Variants in FRY observed in about 807,000 individuals in gnomAD.
FRY encodes the protein protein furry homolog.
Under a neutral mutation model 348.4 loss-of-function variants are expected in FRY, and 128 were observed. That is an observed-to-expected ratio of 0.37 (90% CI 0.32 to 0.43). The LOEUF is 0.43. Among genes scored for constraint, FRY ranks in the 20% least tolerant of loss-of-function variants. FRY has a pLI of 1.00. For synonymous variants in FRY, 1,370 were observed against 1,374.7 expected (o/e 1.00, Z 0.08); for missense variants, 2,736 against 3,695.2 (o/e 0.74, Z 6.73).
At chr13:32,150,172 A>G (rs1218350763) in intron 14 of FRY, among the ~76,000 whole-genome samples, 1 of 152,238 alleles carries the variant, frequency 6.6e-6, no homozygotes, top group Non-Finnish European at 1.5e-5. Context: ...CAACAAATTT[A>G]GCATCGGGAA....
rs76093191 is a variant in FRY, at chr13:32,032,893, A to T, written c.70+1028A>T. Among the ~76,000 whole-genome samples, 503 of 152,314 alleles carry T rather than the reference A, an allele frequency of 3.3e-3. 3 individuals carry two copies. Among genetic ancestry groups the T allele is most frequent in the African/African-American group, 0.012 (480 of 41,566 alleles). ...CCTACCTGTGCTCAAAGAGCTAGTG[A>T]TTAATTGTCTCCTACACAAATGACC... On this transcript the variant is annotated intron_variant, in intron 1 of 60. Coordinates refer to ENST00000542859, the MANE Select transcript of FRY (RefSeq NM_023037.3).
chr13:32,194,703 T>G (rs573956352), intron 29 of FRY, among the ~76,000 whole-genome samples: 127 of 152,316 alleles, frequency 8.3e-4, no homozygotes, highest in African/African-American at 3.0e-3. Flanking sequence ...TAAACTCACT[T>G]TACCCAAAAC....
At chr13:32,216,518 A>G (rs993482232) in intron 35 of FRY, among the ~76,000 whole-genome samples, 1 of 152,206 alleles carries the variant, frequency 6.6e-6, no homozygotes, top group African/African-American at 2.4e-5. Context: ...CCTCCAGGGC[A>G]CAATTTAAAA....
At chr13:32,110,933 C>G (rs1377829557) in intron 3 of FRY, among the ~76,000 whole-genome samples, 1 of 152,162 alleles carries the variant, frequency 6.6e-6, no homozygotes, top group Admixed American at 6.5e-5. Flanking sequence ...AATTGTCCTA[C>G]TATGCTTTGG....
intron 4 of FRY, among the ~76,000 whole-genome samples, chr13:32,121,144 T>TAC (rs1341354877): frequency 5.3e-5 from 8 of 152,254 alleles, no homozygotes; most frequent in Non-Finnish European, 8.8e-5. Flanking sequence ...CATATATATA[T>TAC]ACCACAGTTT....
chr13:32,090,300 G>A (rs1274063884), intron 2 of FRY, among the ~76,000 whole-genome samples: 3 of 146,684 alleles, frequency 2.0e-5, no homozygotes, highest in East Asian at 2.0e-4. Context: ...GTGAGCCGAG[G>A]TGGCACCACT....
intron 58 of FRY, among the ~76,000 whole-genome samples, chr13:32,286,607 A>G (rs1889067445): frequency 6.6e-6 from 1 of 151,780 alleles, no homozygotes; most frequent in Non-Finnish European, 1.5e-5. Flanking sequence ...TTAGCTGGGC[A>G]TGGTGGCGGG....
At chr13:32,054,802 G>T (rs947464116) in intron 1 of FRY, among the ~76,000 whole-genome samples, 2 of 152,188 alleles carry the variant, frequency 1.3e-5, no homozygotes, top group Admixed American at 1.3e-4. Flanking sequence ...ATGAACCCGA[G>T]TGGCGGAGCT....
chr13:32,231,159 T>A lies in FRY; in HGVS notation c.5406-20T>A, dbSNP rs753304367. ...CAAAATGACAGTTATATTTTTGACATTTTGTGTGTTTTGTTTAAGGGCATT... is the reference window on the plus strand; with the variant it reads ...CAAAATGACAGTTATATTTTTGACAATTTGTGTGTTTTGTTTAAGGGCATT... On this transcript the variant is annotated intron_variant, in intron 40 of 60. Transcript: ENST00000542859. 3.7e-6 allele frequency: 6 copies of A among 1,611,390 alleles called. No homozygotes were observed. The East Asian group carries it at 1.1e-4, about 30-fold the overall frequency.
At chr13:32,272,845 C>T (rs991293560) in intron 55 of FRY, among the ~76,000 whole-genome samples, 7 of 152,014 alleles carry the variant, frequency 4.6e-5, no homozygotes, top group Non-Finnish European at 7.4e-5. Flanking sequence ...AAGCAATTCT[C>T]CTGCCTCAGC....
At chr13:32,141,372 T>C (rs1880061145) in intron 11 of FRY, among the ~76,000 whole-genome samples, 1 of 152,228 alleles carries the variant, frequency 6.6e-6, no homozygotes, top group Non-Finnish European at 1.5e-5. Context: ...AAAGTATTGC[T>C]GTGATATGCA....
chr13:32,069,880 G>C (rs1324431851), intron 1 of FRY, among the ~76,000 whole-genome samples: 9 of 97,832 alleles, frequency 9.2e-5, no homozygotes, highest in African/African-American at 2.3e-4. Flanking sequence ...CACCCCCCAA[G>C]AGGCCCCGGT....
intron 1 of FRY, among the ~76,000 whole-genome samples, chr13:32,049,320 C>T (rs1873194735): frequency 6.6e-6 from 1 of 152,126 alleles, no homozygotes; most frequent in South Asian, 2.1e-4. Context: ...TCCCAAGTTC[C>T]CTGAAGGAGT....
chr13:32,097,293 A>T (rs1566068880), intron 2 of FRY, among the ~76,000 whole-genome samples: 1 of 150,678 alleles, frequency 6.6e-6, no homozygotes, highest in Non-Finnish European at 1.5e-5. Flanking sequence ...TCCCATATAG[A>T]TGTATTCCCA....
intron 14 of FRY, among the ~76,000 whole-genome samples, chr13:32,154,101 A>G (rs1880961449): frequency 1.3e-5 from 2 of 152,180 alleles, no homozygotes; most frequent in South Asian, 4.1e-4. Flanking sequence ...ATGTCATCCC[A>G]CAGTTATTAT....
rs74046714 is a variant in FRY at position 32,104,368 on chromosome 13, T to G, written c.324+2352T>G. Among the ~76,000 whole-genome samples the G allele has an allele frequency of 8.9e-3, 1,354 of 152,306 alleles. 20 individuals carry two copies. Among genetic ancestry groups the G allele is most frequent in the African/African-American group, 0.031 (1,284 of 41,552 alleles). ...GCATCACCTGGGAGCTTGCTAGAAA[T>G]GCAGACTGTTAGCCTGGCCCCAGAA... On this transcript the variant is annotated intron_variant, in intron 3 of 60. Transcript: ENST00000542859.
intron 55 of FRY, among the ~76,000 whole-genome samples, chr13:32,270,977 C>T (rs1240564938): frequency 6.6e-6 from 1 of 152,158 alleles, no homozygotes; most frequent in Non-Finnish European, 1.5e-5. Context: ...GGTTCATTAC[C>T]AAGACCGACA....
intron 7 of FRY, among the ~76,000 whole-genome samples, chr13:32,126,190 T>C (rs1392655265): frequency 6.6e-6 from 1 of 152,202 alleles, no homozygotes; most frequent in Non-Finnish European, 1.5e-5. Context: ...AAATGAGGTA[T>C]TAACATGTAT....
rs59585678 is a variant in FRY, at chr13:32,145,526, G to GTT, written c.1180-1728_1180-1727dup. Among the ~76,000 whole-genome samples, 216 of 91,472 alleles carry GTT rather than the reference G, an allele frequency of 2.4e-3. 15 individuals carry two copies. In the East Asian group the frequency reaches 0.029, roughly 12 times the overall value. 60.0% of individuals were successfully genotyped at this position (91,472 alleles called of 152,430 possible). On this transcript the variant is annotated intron_variant, in intron 11 of 60. Transcript: ENST00000542859. ...CCACACTCCCCTCTCTGACTGATTT[G>GTT]TTTTTTTTTTTTTTTTTTTTTTTTT...
Sources: gnomAD v4.1 joint callset for allele counts (sites outside exome capture counted in the v4.1 genomes callset) on GRCh38, gnomAD v4.1.1 for gene constraint, MANE v1.5 for transcripts, NCBI Gene and HGNC (gene_info 2026-07-23, HGNC 2026-07-21) for gene names.